The following SCRN3 variants were observed in gnomAD, a reference collection of about 807,000 sequenced individuals.
SCRN3 encodes secernin-3.
SCRN3 carries 39 observed loss-of-function variants against 43.1 expected under a neutral mutation model. That is an observed-to-expected ratio of 0.91 (90% confidence interval 0.70 to 1.18). The LOEUF is 1.18. Ranked by LOEUF, SCRN3 falls within the 50% of genes most tolerant of loss-of-function variation. SCRN3 has a pLI of 0.00. For missense variants in SCRN3, 484 were observed against 498.0 expected, an observed-to-expected ratio of 0.97 and a Z score of 0.27; for synonymous variants, 147 against 163.1, an observed-to-expected ratio of 0.90 and a Z score of 0.75.
intron 5 of SCRN3, chr2:174,410,367 C>G (rs1459316089): frequency 1.3e-5 from 2 of 152,540 alleles, no homozygotes; most frequent in African/African-American, 4.8e-5. Context: ...CTGGCACTCC[C>G]TAGTGAGATG....
At chr2:174,413,936 G>C (rs535408776) in intron 5 of SCRN3, among the ~76,000 whole-genome samples, 2 of 152,100 alleles carry the variant, frequency 1.3e-5, no homozygotes, top group African/African-American at 4.8e-5. Context: ...TGGTTCTTCA[G>C]GCCAGAAAGA....
chr2:174,398,376 T>C lies in SCRN3; in HGVS notation c.93T>C (p.Tyr31=). 2.5e-6 allele frequency: 4 copies of C among 1,609,386 alleles called. No homozygotes were observed. Among genetic ancestry groups the C allele is most frequent in the Non-Finnish European group, 3.4e-6 (4 of 1,178,392 alleles). The change falls in exon 2 of 8, where the codon TAT becomes TAC. Residue 31 remains tyrosine (Y), a synonymous_variant. Coordinates refer to ENST00000272732, the MANE Select transcript of SCRN3 (RefSeq NM_024583.5). The part of the protein sequence containing the change: ...IIFGKNSDRL[Y]DEVQEVVYFP... ...TTGGAAAAAATTCAGATAGACTCTA[T>C]GATGAAGTACAAGAGGTGGTTTATT...
intron 5 of SCRN3, among the ~76,000 whole-genome samples, chr2:174,415,462 G>A (rs1195109709): frequency 2.0e-5 from 3 of 151,944 alleles, no homozygotes; most frequent in Non-Finnish European, 4.4e-5. Flanking sequence ...CCATTTTCAT[G>A]TTGGGTTATT....
intron 2 of SCRN3, 31 bp downstream of exon 2, chr2:174,398,473 T>A: frequency 6.4e-7 from 1 of 1,550,818 alleles, no homozygotes; most frequent in East Asian, 2.4e-5. Context: ...GTTAGCAATA[T>A]GCCTTTTAAA....
rs1386223163 is a variant in SCRN3 at position 174,399,979 on chromosome 2, C to T, written c.217C>T (p.Pro73Ser). ...AACATATGCTGTTGTCCTGAGTCGCCCAGCGTGGTTGTGGGGGGCAGAAAT... is the reference window on the plus strand; with the variant it reads ...AACATATGCTGTTGTCCTGAGTCGCTCAGCGTGGTTGTGGGGGGCAGAAAT... ...PETYAVVLSRPAWLWGAEMGA... is the reference protein window; with the variant it reads ...PETYAVVLSRSAWLWGAEMGA... Residue 73 changes from proline (P) to serine (S), a missense_variant, in exon 3 of 8, where the codon CCA becomes TCA. Coordinates refer to ENST00000272732, the MANE Select transcript of SCRN3 (RefSeq NM_024583.5). 10 of 1,585,334 alleles carry T rather than the reference C, an allele frequency of 6.3e-6. No homozygotes were observed. Among genetic ancestry groups the T allele is most frequent in the Non-Finnish European group, 7.7e-6 (9 of 1,168,826 alleles).
chr2:174,422,987 T>C lies in SCRN3; in HGVS notation c.857T>C (p.Leu286Ser), dbSNP rs375309399. 51 of 1,613,860 alleles carry C rather than the reference T, an allele frequency of 3.2e-5. No homozygotes were observed. Among genetic ancestry groups the C allele is most frequent in the Non-Finnish European group, 4.0e-5 (47 of 1,179,888 alleles). Residue 286 changes from leucine to serine, a missense_variant, in exon 6 of 8, where the codon TTA becomes TCA. Transcript: ENST00000272732. Reference protein sequence around the residue: ...FLTTASMVSILPQDSSLPCIH... With the variant: ...FLTTASMVSISPQDSSLPCIH... ...ACCACTGCAAGCATGGTTTCTATTTTACCTCAAGACTCCAGCCTTCCTTGC... is the reference window on the plus strand; with the variant it reads ...ACCACTGCAAGCATGGTTTCTATTTCACCTCAAGACTCCAGCCTTCCTTGC...
chr2:174,424,591 G>C lies in SCRN3; in HGVS notation c.1034G>C (p.Arg345Thr), dbSNP rs202222254. ...AAGAAATCACATTTTAAGCCTGACAGAAGACACCCACTCTACCAAAAACAT... is the reference window on the plus strand; with the variant it reads ...AAGAAATCACATTTTAAGCCTGACACAAGACACCCACTCTACCAAAAACAT... ...VKKKSHFKPD[R>T]RHPLYQKHQQ... The change falls in exon 7 of 8, where the codon AGA becomes ACA. Residue 345 changes from arginine (R) to threonine (T), a missense_variant. Transcript: ENST00000272732. 680 of 1,613,306 alleles carry C rather than the reference G, an allele frequency of 4.2e-4. 2 individuals are homozygous for C. The highest frequency in any genetic ancestry group is 2.4e-4 in the Non-Finnish European group (279 of 1,179,632).
rs1031722567 is a variant in SCRN3, at chr2:174,425,638, ACTT to A, written c.1092+993_1092+995del. ...TGCTCAAAGCAACAAGCTCTGCCAG[ACTT>A]CTTATTTTTATTTGAAAATTTTTAT... is the stretch of plus-strand genomic sequence containing the variant. On this transcript the variant is annotated intron_variant, in intron 7 of 7. Transcript: ENST00000272732. Among the ~76,000 whole-genome samples, 107 of 152,108 alleles carry A rather than the reference ACTT, an allele frequency of 7.0e-4. 1 individual carries two copies. Among genetic ancestry groups the A allele is most frequent in the African/African-American group, 2.3e-3 (97 of 41,532 alleles).
chr2:174,424,223 A>G (rs941535923), intron 6 of SCRN3, among the ~76,000 whole-genome samples: 1 of 152,172 alleles, frequency 6.6e-6, no homozygotes, highest in Non-Finnish European at 1.5e-5. Context: ...CTTTGCTGAC[A>G]CTGTTTATGT....
intron 7 of SCRN3, among the ~76,000 whole-genome samples, chr2:174,425,671 A>T (rs1177367200): frequency 2.0e-5 from 3 of 151,894 alleles, no homozygotes; most frequent in African/African-American, 7.2e-5. Flanking sequence ...TTTTATTTAA[A>T]TTTTTTATTT....
intron 6 of SCRN3, among the ~76,000 whole-genome samples, chr2:174,423,901 G>A (rs1454295510): frequency 6.7e-6 from 1 of 148,204 alleles, no homozygotes; most frequent in Non-Finnish European, 1.5e-5. Context: ...TGATCCTCCT[G>A]CCTTAGCTTC....
rs562508269 is a variant in SCRN3, at chr2:174,404,371, A to C, written c.754+56A>C. 6.7e-4 allele frequency: 777 copies of C among 1,160,740 alleles called. 11 individuals carry two copies. In the South Asian group the frequency reaches 0.01, roughly 15 times the overall value. 71.9% of individuals were successfully genotyped at this position (1,160,740 alleles called of 1,614,324 possible). On this transcript the variant is annotated intron_variant, in intron 5 of 7. Coordinates refer to ENST00000272732, the MANE Select transcript of SCRN3 (RefSeq NM_024583.5). ...GACAAACTACATTTTGTGTAGATGT[A>C]ATATGGGAATGATAACATCTGTTTT...
chr2:174,416,088 C>T (rs1686095124), intron 5 of SCRN3, among the ~76,000 whole-genome samples: 1 of 152,154 alleles, frequency 6.6e-6, no homozygotes, highest in Non-Finnish European at 1.5e-5. Flanking sequence ...TTGATTACAA[C>T]AGTACAGGAT....
chr2:174,421,736 G>A (rs1686300553), intron 5 of SCRN3, among the ~76,000 whole-genome samples: 1 of 152,172 alleles, frequency 6.6e-6, no homozygotes, highest in Admixed American at 6.5e-5. Flanking sequence ...TTCTGTCACA[G>A]GCATTTCTCC....
At chr2:174,399,210 T>G (rs1157248504) in intron 2 of SCRN3, among the ~76,000 whole-genome samples, 1 of 152,220 alleles carries the variant, frequency 6.6e-6, no homozygotes, top group African/African-American at 2.4e-5. Context: ...AATATTAGAC[T>G]TTTTTCTGTA....
At chr2:174,425,234 C>T (rs1680854610) in intron 7 of SCRN3, among the ~76,000 whole-genome samples, 1 of 152,118 alleles carries the variant, frequency 6.6e-6, no homozygotes. Context: ...ATATATCACT[C>T]AAAATCTCTT....
chr2:174,412,195 T>G (rs1353866828), intron 5 of SCRN3, among the ~76,000 whole-genome samples: 1 of 152,106 alleles, frequency 6.6e-6, no homozygotes, highest in South Asian at 2.1e-4. Context: ...GTTCTTGTTT[T>G]TCTCATTTCA....
chr2:174,427,790 A>T lies in SCRN3; in HGVS notation c.1170A>T (p.Gln390His). 6.2e-7 allele frequency: 1 copy of T among 1,612,356 alleles called. No homozygotes were observed. The highest frequency in any genetic ancestry group is 8.5e-7 in the Non-Finnish European group (1 of 1,178,628). The change falls in exon 8 of 8, where the codon CAA becomes CAT. Residue 390 changes from glutamine to histidine, a missense_variant. Gln to His is a conservative substitution (Grantham distance 24). Transcript: ENST00000272732. ...ELFREMESIL[Q>H]NKHLDVEKIV... ...TCAGAGAGATGGAATCAATCCTTCAAAACAAGCATCTTGATGTGGAGAAAA... is the reference window on the plus strand; with the variant it reads ...TCAGAGAGATGGAATCAATCCTTCATAACAAGCATCTTGATGTGGAGAAAA...
intron 5 of SCRN3, among the ~76,000 whole-genome samples, chr2:174,409,580 C>G (rs1345926974): frequency 7.2e-6 from 1 of 139,676 alleles, no homozygotes; most frequent in Non-Finnish European, 1.6e-5. Flanking sequence ...TTTTCCCCAT[C>G]TTTGTGGTTT....
Sources: allele counts gnomAD v4.1 joint callset (sites outside exome capture counted in the v4.1 genomes callset), GRCh38; gene constraint gnomAD v4.1.1; transcripts MANE v1.5; gene names NCBI Gene and HGNC (gene_info 2026-07-23, HGNC 2026-07-21).